IL1RAPL2: variants seen among roughly 807,000 people sequenced by gnomAD.
The protein encoded by IL1RAPL2 is interleukin 1 receptor accessory protein like 2.
A neutral mutation model predicts 44.1 loss-of-function variants in IL1RAPL2; 3 were observed. The ratio of observed to expected loss-of-function variants is 0.07; its 90% CI spans 0.03 to 0.18. The LOEUF is 0.18. IL1RAPL2 is among the 10% of genes least tolerant of loss of function. IL1RAPL2 has a pLI of 1.00. For synonymous variants in IL1RAPL2, 181 were observed against 178.8 expected (o/e 1.01, Z -0.10); for missense variants, 391 against 496.4 (o/e 0.79, Z 2.02).
chrX:105,358,940 T>C (rs767344327), intron 5 of IL1RAPL2, among the ~76,000 whole-genome samples: 1 of 111,836 alleles, frequency 8.9e-6, no homozygotes, highest in Non-Finnish European at 1.9e-5. Context: ...TCAGCAGATC[T>C]TACAGGGAGA....
At chrX:105,038,548 T>A (rs1247028133) in intron 2 of IL1RAPL2, among the ~76,000 whole-genome samples, 1 of 111,066 alleles carries the variant, frequency 9.0e-6, no homozygotes, top group Non-Finnish European at 1.9e-5. Context: ...GTTTCTTTTT[T>A]TAACTTTGAT....
chrX:105,425,928 G>T (rs1276662995), intron 5 of IL1RAPL2, among the ~76,000 whole-genome samples: 1 of 109,664 alleles, frequency 9.1e-6, no homozygotes, highest in Admixed American at 9.8e-5. Flanking sequence ...GATTAAAGGT[G>T]CCCCCTCTTC....
chrX:104,678,118 C>G (rs1442765904), intron 2 of IL1RAPL2, among the ~76,000 whole-genome samples: 1 of 112,450 alleles, frequency 8.9e-6, no homozygotes, highest in Admixed American at 9.3e-5. Flanking sequence ...CTTGGCTCCT[C>G]CCCCCAAAAT....
chrX:105,400,797 G>A (rs1022650764), intron 5 of IL1RAPL2, among the ~76,000 whole-genome samples: 1 of 111,934 alleles, frequency 8.9e-6, no homozygotes, highest in South Asian at 3.6e-4. Context: ...AGCAGCTACC[G>A]TGTAAGTAAG....
intron 2 of IL1RAPL2, among the ~76,000 whole-genome samples, chrX:104,753,085 C>T (rs998005541): frequency 4.6e-5 from 5 of 109,358 alleles, no homozygotes; most frequent in Admixed American, 2.0e-4. Context: ...TTAGGCTATA[C>T]TGGGCTTGTC....
chrX:105,250,275 G>A (rs2034258374), intron 4 of IL1RAPL2, among the ~76,000 whole-genome samples: 1 of 110,899 alleles, frequency 9.0e-6, no homozygotes, highest in African/African-American at 3.3e-5. Context: ...TTTTAGGATG[G>A]CAAACAATTC....
At chrX:105,043,952 C>T (rs192463920) in intron 2 of IL1RAPL2, among the ~76,000 whole-genome samples, 1 of 111,873 alleles carries the variant, frequency 8.9e-6, no homozygotes, top group African/African-American at 3.2e-5. Flanking sequence ...GTATCAATTA[C>T]AGTATTTTAA....
At chrX:105,434,336 C>T (rs5962520) in intron 5 of IL1RAPL2, among the ~76,000 whole-genome samples, 3,467 of 111,885 alleles carry the variant, frequency 0.031, 140 homozygotes, top group African/African-American at 0.11. Flanking sequence ...TAAAGTTAAA[C>T]GTGTACTTGT....
rs767384557 is a variant in IL1RAPL2 at position 104,717,445 on chromosome X, TAA to T, written c.82+58467_82+58468del. Among the ~76,000 whole-genome samples the T allele has an allele frequency of 2.6e-3, 220 of 83,467 alleles. 2 individuals carry two copies. Among genetic ancestry groups the T allele is most frequent in the African/African-American group, 7.1e-3 (168 of 23,544 alleles). The allele number at this position is 83,467 out of a possible 115,157, so 72.5% of individuals were successfully genotyped here. A position where few individuals can be genotyped will look rare whatever the true frequency, so the allele number is the denominator to read the frequency against. On this transcript the variant is annotated intron_variant, in intron 2 of 10. Transcript: ENST00000372582. The stretch of plus-strand genomic sequence containing the variant: ...CACATGTACCCCTGAACTTAAAAGT[TAA>T]AAAAAAAAAAAAAAAAGAACATTTT...
intron 2 of IL1RAPL2, among the ~76,000 whole-genome samples, chrX:104,963,392 A>G (rs1359396821): frequency 2.7e-5 from 3 of 112,266 alleles, no homozygotes; most frequent in Non-Finnish European, 5.6e-5. Flanking sequence ...AATGATATTT[A>G]CATAACAAGA....
At chrX:104,951,550 C>G (rs748719762) in intron 2 of IL1RAPL2, among the ~76,000 whole-genome samples, 1 of 112,270 alleles carries the variant, frequency 8.9e-6, no homozygotes, top group East Asian at 2.8e-4. Flanking sequence ...GCAAATAAAA[C>G]CCATTTCATG....
intron 1 of IL1RAPL2, among the ~76,000 whole-genome samples, chrX:104,645,519 A>G (rs909491310): frequency 1.5e-4 from 17 of 112,019 alleles, no homozygotes; most frequent in African/African-American, 5.2e-4. Flanking sequence ...GATCTTTCCT[A>G]TCGCACTCTA....
chrX:105,408,962 G>A (rs1471364086), intron 5 of IL1RAPL2, among the ~76,000 whole-genome samples: 1 of 109,174 alleles, frequency 9.2e-6, no homozygotes, highest in East Asian at 2.9e-4. Context: ...CTATTTTTTT[G>A]TCTCTGAGCT....
At chrX:105,027,785 T>C (rs1355132124) in intron 2 of IL1RAPL2, among the ~76,000 whole-genome samples, 1 of 111,165 alleles carries the variant, frequency 9.0e-6, no homozygotes, top group Non-Finnish European at 1.9e-5. Context: ...CTCAAAAAAC[T>C]AAAAATTGAG....
At chrX:105,015,076 C>CT (rs897620103) in intron 2 of IL1RAPL2, among the ~76,000 whole-genome samples, 1 of 111,511 alleles carries the variant, frequency 9.0e-6, no homozygotes, top group Non-Finnish European at 1.9e-5. Context: ...TGATAATGAG[C>CT]TTTTTTTAAT....
In IL1RAPL2 at chrX:104,609,772, G is replaced by A. The variant is rs1047646305; in HGVS notation, c.-20+42721G>A. Among the ~76,000 whole-genome samples, 11 of 111,462 alleles carry A rather than the reference G, an allele frequency of 9.9e-5. No homozygotes were observed. In the East Asian group the frequency reaches 2.0e-3, roughly 20 times the overall value. ...CCTCTAACCTTTTTTCAAGGTTTTA[G>A]CTTCCTTGCCATGGGTTAGAACATG... On this transcript the variant is annotated intron_variant, in intron 1 of 10. Coordinates refer to ENST00000372582, the MANE Select transcript of IL1RAPL2 (RefSeq NM_017416.2).
chrX:105,472,248 G>A (rs769945638), intron 5 of IL1RAPL2, among the ~76,000 whole-genome samples: 19 of 111,552 alleles, frequency 1.7e-4, no homozygotes, highest in Non-Finnish European at 3.4e-4. Flanking sequence ...TTTGAACATC[G>A]AACCCAATTT....
intron 5 of IL1RAPL2, among the ~76,000 whole-genome samples, chrX:105,314,839 C>T (rs1308337825): frequency 9.0e-6 from 1 of 111,317 alleles, no homozygotes; most frequent in Non-Finnish European, 1.9e-5. Context: ...ATTTCAGTGG[C>T]CATCTTATTC....
intron 2 of IL1RAPL2, among the ~76,000 whole-genome samples, chrX:104,904,885 T>A (rs1475443697): frequency 9.0e-6 from 1 of 111,025 alleles, no homozygotes; most frequent in Non-Finnish European, 1.9e-5. Context: ...CACACTGACT[T>A]CCACAATGGT....
Sources: gnomAD v4.1 joint callset for allele counts (sites outside exome capture counted in the v4.1 genomes callset) on GRCh38, gnomAD v4.1.1 for gene constraint, MANE v1.5 for transcripts, NCBI Gene and HGNC (gene_info 2026-07-23, HGNC 2026-07-21) for gene names.